The following ARID1B variants were observed in gnomAD, a reference collection of about 807,000 sequenced individuals.
The protein encoded by ARID1B is AT-rich interaction domain 1B, also known as AT-rich interactive domain-containing protein 1B.
ARID1B carries 30 observed loss-of-function variants against 212.3 expected under a neutral mutation model. That is an observed-to-expected ratio of 0.14 (90% CI 0.11 to 0.19). The LOEUF (loss-of-function observed/expected upper bound fraction) is 0.19, where lower values mean the gene tolerates loss of function less well. Among genes scored for constraint, ARID1B ranks in the 10% least tolerant of loss-of-function variants. ARID1B has a pLI of 1.00. For missense variants in ARID1B, 2,891 were observed against 3,204.0 expected, an observed-to-expected ratio of 0.90 and a Z score of 2.36; for synonymous variants, 1,402 against 1,301.7, an observed-to-expected ratio of 1.08 and a Z score of -1.66.
chr6:157,097,663 A>G (rs1785743375), intron 5 of ARID1B, among the ~76,000 whole-genome samples: 1 of 152,172 alleles, frequency 6.6e-6, no homozygotes, highest in African/African-American at 2.4e-5. Context: ...TGATTAAAGG[A>G]AAGTGCCTTG....
intron 1 of ARID1B, among the ~76,000 whole-genome samples, chr6:156,817,888 C>G (rs1782078296): frequency 6.6e-6 from 1 of 151,996 alleles, no homozygotes; most frequent in Non-Finnish European, 1.5e-5. Flanking sequence ...CTCCTAGATA[C>G]TTCAGGGTGT....
intron 4 of ARID1B, among the ~76,000 whole-genome samples, chr6:157,014,403 C>T (rs958384416): frequency 3.3e-5 from 5 of 152,124 alleles, no homozygotes; most frequent in South Asian, 4.1e-4. Flanking sequence ...AATTCAGTTT[C>T]GATTCTTTCT....
At position 157,207,795 on chromosome 6, in the gene ARID1B, C is replaced by T. The variant is rs183572405; in HGVS notation, c.7023C>T (p.His2341=). 1.5e-4 allele frequency: 235 copies of T among 1,557,176 alleles called. No homozygotes were observed. In the East Asian group the frequency reaches 3.5e-3, roughly 23 times the overall value. ...VDENRSEFLL[H]EGRLLDISIS... is the part of the protein sequence containing the mutation. ...AAAACCGCTCGGAATTCCTTTTGCA[C>T]GAGGGCCGGTTGCTGGATATCTCGA... The change falls in exon 20 of 20, where the codon CAC becomes CAT. Residue 2341 remains histidine (H), a synonymous_variant. Transcript: ENST00000636930. This position sits in a 1 kb window ranked among gnomAD's most constrained non-coding sequence, Gnocchi z 8.5.
chr6:156,815,157 G>A (rs892919460), intron 1 of ARID1B, among the ~76,000 whole-genome samples: 2 of 152,128 alleles, frequency 1.3e-5, no homozygotes, highest in Non-Finnish European at 2.9e-5. Context: ...AAGAGTATGG[G>A]AAATTGAAAT....
At chr6:156,964,759 G>C (rs1562515083) in intron 4 of ARID1B, among the ~76,000 whole-genome samples, 1 of 152,138 alleles carries the variant, frequency 6.6e-6, no homozygotes, top group Non-Finnish European at 1.5e-5. Context: ...TTAACACTAA[G>C]GTTATTATAT....
chr6:157,007,565 A>G (rs1261034141), intron 4 of ARID1B, among the ~76,000 whole-genome samples: 1 of 152,216 alleles, frequency 6.6e-6, no homozygotes, highest in African/African-American at 2.4e-5. Flanking sequence ...GGGAAGGATG[A>G]GCACTAGAAT....
chr6:157,197,220 AAGAT>A lies in ARID1B; in HGVS notation c.4382+909_4382+912del, dbSNP rs367893084. 1.1e-4 allele frequency among the ~76,000 whole-genome samples: 17 copies of A among 152,324 alleles called. 1 individual carries two copies. Among genetic ancestry groups the A allele is most frequent in the African/African-American group, 3.1e-4 (13 of 41,576 alleles). ...TAATATTTCAGATTTTTAAAGAAAA[AAGAT>A]AGAGGCATAATAGAAGGGCTTTTCC... On this transcript the variant is annotated intron_variant, in intron 16 of 19. Coordinates refer to ENST00000636930, the MANE Select transcript of ARID1B (RefSeq NM_001374828.1).
rs201312159 is a variant in ARID1B, at chr6:157,026,163, G to A, written c.2248-58499G>A. On this transcript the variant is annotated intron_variant, in intron 4 of 19. Coordinates refer to ENST00000636930, the MANE Select transcript of ARID1B (RefSeq NM_001374828.1). ...TGGTCTCAAACTCCCGACCTCAGGC[G>A]ATCCACCTCAAAGTGCTGGGATTAC... Among the ~76,000 whole-genome samples the A allele has an allele frequency of 1.1e-4, 16 of 152,132 alleles. No individual in the cohort carries two copies. In the East Asian group the frequency reaches 2.5e-3, roughly 24 times the overall value.
chr6:156,782,519 A>G (rs947166547), intron 1 of ARID1B, among the ~76,000 whole-genome samples: 2 of 152,156 alleles, frequency 1.3e-5, no homozygotes, highest in African/African-American at 4.8e-5. Flanking sequence ...AATTCCATAA[A>G]TGCAGTTTTA....
At chr6:156,962,472 G>A (rs1246808190) in intron 4 of ARID1B, among the ~76,000 whole-genome samples, 4 of 152,146 alleles carry the variant, frequency 2.6e-5, no homozygotes, top group Non-Finnish European at 5.9e-5. Context: ...TTTGGGGCGT[G>A]GTGGGGACGT....
chr6:156,800,881 A>C (rs1780732827), intron 1 of ARID1B, among the ~76,000 whole-genome samples: 1 of 152,098 alleles, frequency 6.6e-6, no homozygotes, highest in Non-Finnish European at 1.5e-5. Flanking sequence ...GGAGATAGAG[A>C]AAGACCGTGT....
intron 6 of ARID1B, among the ~76,000 whole-genome samples, chr6:157,130,848 T>G (rs1156947398): frequency 6.6e-6 from 1 of 152,214 alleles, no homozygotes; most frequent in Non-Finnish European, 1.5e-5. Flanking sequence ...AGCTAGAGCC[T>G]TCACCTGGTA....
chr6:156,965,826 A>G (rs923521388), intron 4 of ARID1B, among the ~76,000 whole-genome samples: 1 of 152,246 alleles, frequency 6.6e-6, no homozygotes, highest in African/African-American at 2.4e-5. Context: ...ATTGCAGACT[A>G]TGAAAAAATT....
chr6:156,934,459 A>G lies in ARID1B; in HGVS notation c.2137-1007A>G, dbSNP rs182903076. 3.4e-3 allele frequency among the ~76,000 whole-genome samples: 516 copies of G among 152,312 alleles called. 3 individuals are homozygous for G. The highest frequency in any genetic ancestry group is 5.5e-3 in the Non-Finnish European group (372 of 68,042). Reference sequence around the variant, plus strand: ...AGATGCCAGAAAGGCCGTGTTAATTATAAGTTTATTGTGCCTATTCAGGTT... The same window carrying G: ...AGATGCCAGAAAGGCCGTGTTAATTGTAAGTTTATTGTGCCTATTCAGGTT... On this transcript the variant is annotated intron_variant, in intron 3 of 19. Transcript: ENST00000636930.
At chr6:157,149,269 C>G (rs1790027945) in intron 8 of ARID1B, 1 of 307,588 alleles carries the variant, frequency 3.3e-6, no homozygotes, top group Non-Finnish European at 6.2e-6. Flanking sequence ...CTGCGTGGTA[C>G]CAATTGAAGC....
At chr6:157,016,132 G>T (rs959433625) in intron 4 of ARID1B, among the ~76,000 whole-genome samples, 2 of 152,070 alleles carry the variant, frequency 1.3e-5, no homozygotes, top group Non-Finnish European at 2.9e-5. Context: ...TGCTATTTTT[G>T]CATTATTAGA....
chr6:157,168,492 A>G (rs6557536), intron 9 of ARID1B: 25,744 of 152,124 alleles, frequency 0.17, 4,437 homozygotes, highest in African/African-American at 0.45. Context: ...AGGTAACAGA[A>G]TATTGGGTTG....
intron 2 of ARID1B, among the ~76,000 whole-genome samples, chr6:156,897,205 TGC>T (rs1562468064): frequency 2.9e-4 from 23 of 80,256 alleles, no homozygotes; most frequent in African/African-American, 7.7e-4. Flanking sequence ...CTGCTGCTGC[TGC>T]TGCTGCTGCT....
intron 5 of ARID1B, among the ~76,000 whole-genome samples, chr6:157,101,700 G>T (rs1786058421): frequency 1.3e-5 from 2 of 151,016 alleles, no homozygotes; most frequent in Non-Finnish European, 2.9e-5. Flanking sequence ...CTGCGAACTT[G>T]TAAGACAAAT....
Sources: gnomAD v4.1 joint callset for allele counts (sites outside exome capture counted in the v4.1 genomes callset) on GRCh38, gnomAD v4.1.1 for gene constraint, Gnocchi (gnomAD v3.1) non-coding constraint, MANE v1.5 for transcripts, NCBI Gene and HGNC (gene_info 2026-07-23, HGNC 2026-07-21) for gene names.